Variants in ADGRL2 observed in about 807,000 individuals in gnomAD.
The protein encoded by ADGRL2 is calcium-independent alpha-latrotoxin receptor 2.
In ADGRL2, 44 loss-of-function variants were observed where a neutral mutation model predicts 157.4. The ratio of observed to expected loss-of-function variants is 0.28; its 90% confidence interval spans 0.22 to 0.36. The LOEUF (loss-of-function observed/expected upper bound fraction) is 0.36, where lower values mean the gene tolerates loss of function less well. Among genes scored for constraint, ADGRL2 ranks in the 10% least tolerant of loss-of-function variants. The probability of loss-of-function intolerance (pLI) is 1.00; values close to 1 mark genes in which losing one functional copy is unlikely to be tolerated. For missense variants in ADGRL2, 1,510 were observed against 1,768.9 expected (o/e 0.85, Z 2.63); for synonymous variants, 585 against 624.7 (o/e 0.94, Z 0.95).
At chr1:81,699,614 A>G (rs2083517163), upstream of ADGRL2, 1 of 152,198 alleles carries the variant, frequency 6.6e-6, no homozygotes, top group Non-Finnish European at 1.5e-5. Flanking sequence ...TGCCAATATG[A>G]CACCTGTCTG....
intron 2 of ADGRL2, among the ~76,000 whole-genome samples, chr1:81,500,058 C>T (rs1048460638): frequency 1.3e-5 from 2 of 152,052 alleles, no homozygotes; most frequent in African/African-American, 2.4e-5. Flanking sequence ...ATCATATTGC[C>T]AGAGTTTTGT....
intron 3 of ADGRL2, among the ~76,000 whole-genome samples, chr1:81,628,030 G>A (rs1166402329): frequency 6.6e-6 from 1 of 152,072 alleles, no homozygotes; most frequent in Non-Finnish European, 1.5e-5. Flanking sequence ...AGCATTTTTT[G>A]GAGCTGCTCT....
chr1:81,376,299 C>A (rs911471476), intron 1 of ADGRL2, among the ~76,000 whole-genome samples: 4 of 152,170 alleles, frequency 2.6e-5, no homozygotes, highest in South Asian at 2.1e-4. Context: ...TTTTCCAGAG[C>A]TGAGAAGGGA....
chr1:81,816,519 C>T (rs2090421120), intron 1 of ADGRL2, among the ~76,000 whole-genome samples: 1 of 151,836 alleles, frequency 6.6e-6, no homozygotes, highest in Admixed American at 6.6e-5. Flanking sequence ...TTTTTCACTA[C>T]TTGCCATGCA....
At chr1:81,972,036 C>G in intron 17 of ADGRL2, 118 bp downstream of exon 17, 1 of 524,022 alleles carries the variant, frequency 1.9e-6, no homozygotes, top group Non-Finnish European at 3.3e-6. Flanking sequence ...ATAAATATGC[C>G]TGTCTCACAG....
At chr1:81,442,509 C>T (rs910851210) in intron 1 of ADGRL2, among the ~76,000 whole-genome samples, 10 of 152,126 alleles carry the variant, frequency 6.6e-5, no homozygotes, top group African/African-American at 2.2e-4. Flanking sequence ...TCAACCATAG[C>T]CTAAGATTTT....
In ADGRL2 at chr1:81,991,414, A is replaced by G. The variant is rs1173609372; in HGVS notation, c.*269A>G. 4 of 281,772 alleles carry G rather than the reference A, an allele frequency of 1.4e-5. No homozygotes were observed. The highest frequency in any genetic ancestry group is 4.3e-5 in the African/African-American group (2 of 46,078). The allele number at this position is 281,772 out of a possible 1,614,324, so 17.5% of individuals were successfully genotyped here. A position where few individuals can be genotyped will look rare whatever the true frequency, so the allele number is the denominator to read the frequency against. On this transcript the variant is annotated 3_prime_UTR_variant, in exon 24 of 24. Coordinates refer to ENST00000686636, the MANE Select transcript of ADGRL2 (RefSeq NM_001366006.2). ...GTATTTTAAGATTCTGCTGCTGTTT[A>G]GAGAAATTGTGAAACAAGCAAAACA...
At chr1:81,615,116 C>T (rs898280472) in intron 3 of ADGRL2, among the ~76,000 whole-genome samples, 6 of 152,190 alleles carry the variant, frequency 3.9e-5, no homozygotes, top group South Asian at 4.2e-4. Context: ...AAGGTGAAGC[C>T]GGCTGGGCTT....
intron 3 of ADGRL2, among the ~76,000 whole-genome samples, chr1:81,587,828 G>A (rs1401850675): frequency 6.6e-6 from 1 of 152,130 alleles, no homozygotes; most frequent in Non-Finnish European, 1.5e-5. Flanking sequence ...ATAAATTAAG[G>A]AGGGATTTTA....
chr1:81,854,959 T>C (rs570296949), intron 2 of ADGRL2, among the ~76,000 whole-genome samples: 1 of 152,324 alleles, frequency 6.6e-6, no homozygotes, highest in East Asian at 1.9e-4. Context: ...GAGATAATCA[T>C]TGAAAAATTT....
intron 2 of ADGRL2, among the ~76,000 whole-genome samples, chr1:81,862,763 A>G (rs1267526479): frequency 6.6e-6 from 1 of 152,120 alleles, no homozygotes; most frequent in Non-Finnish European, 1.5e-5. Flanking sequence ...CGCCTCTACC[A>G]GTGTCTCCCA....
intron 2 of ADGRL2, among the ~76,000 whole-genome samples, chr1:81,455,181 T>C (rs2077778779): frequency 6.6e-6 from 1 of 152,160 alleles, no homozygotes; most frequent in South Asian, 2.1e-4. Context: ...CTTTCCCGGG[T>C]TATTTTGTGA....
At chr1:81,530,310 A>T (rs919910417) in intron 2 of ADGRL2, among the ~76,000 whole-genome samples, 1 of 152,180 alleles carries the variant, frequency 6.6e-6, no homozygotes, top group Non-Finnish European at 1.5e-5. Flanking sequence ...TCAAGGTGGC[A>T]CAAATTCAAA....
At position 81,817,469 on chromosome 1, in the gene ADGRL2, AT is replaced by A. The variant is rs576654759; in HGVS notation, c.-101+16402del. ...TGCAGCTTTTTGTTAGTATATGTAA[AT>A]AATACACATTTTTTTAAAAAATTGA... On this transcript the variant is annotated intron_variant, in intron 1 of 23. Transcript: ENST00000686636. 5.3e-5 allele frequency among the ~76,000 whole-genome samples: 8 copies of A among 152,160 alleles called. No homozygotes were observed. In the South Asian group the frequency reaches 1.7e-3, roughly 32 times the overall value.
intron 2 of ADGRL2, among the ~76,000 whole-genome samples, chr1:81,854,262 T>C (rs1480643265): frequency 2.6e-5 from 4 of 152,198 alleles, no homozygotes; most frequent in Non-Finnish European, 5.9e-5. Flanking sequence ...AACCACTGGA[T>C]TTATCCTGTC....
chr1:81,915,860 A>G (rs941396510), intron 3 of ADGRL2, among the ~76,000 whole-genome samples: 5 of 152,134 alleles, frequency 3.3e-5, no homozygotes, highest in East Asian at 3.9e-4. Flanking sequence ...TGATCTTTTT[A>G]TAGTGCTTTT....
intron 2 of ADGRL2, among the ~76,000 whole-genome samples, chr1:81,529,911 A>G (rs906729964): frequency 1.3e-5 from 2 of 152,234 alleles, no homozygotes; most frequent in African/African-American, 2.4e-5. Context: ...TTATTGAGGA[A>G]CAAAACCTGT....
At chr1:81,576,883 TA>T (rs1379621740) in intron 2 of ADGRL2, among the ~76,000 whole-genome samples, 1 of 152,146 alleles carries the variant, frequency 6.6e-6, no homozygotes, top group Non-Finnish European at 1.5e-5. Flanking sequence ...ACTTTCTCAC[TA>T]AAAAATAGAA....
chr1:81,969,940 C>T (rs910350635), intron 15 of ADGRL2, among the ~76,000 whole-genome samples: 3 of 151,996 alleles, frequency 2.0e-5, no homozygotes, highest in Non-Finnish European at 4.4e-5. Context: ...TATTTGCAAA[C>T]AACACTTTTA....
Sources: allele counts gnomAD v4.1 joint callset (sites outside exome capture counted in the v4.1 genomes callset), GRCh38; gene constraint gnomAD v4.1.1; transcripts MANE v1.5; gene names NCBI Gene and HGNC (gene_info 2026-07-23, HGNC 2026-07-21).